The following DTNB variants were observed in gnomAD, a reference collection of about 807,000 sequenced individuals.
DTNB encodes dystrobrevin beta.
In DTNB, 63 loss-of-function variants were observed where a neutral mutation model predicts 90.7. The ratio of observed to expected loss-of-function variants is 0.69; its 90% CI spans 0.57 to 0.86. The LOEUF is 0.86. DTNB is among the 40% of genes least tolerant of loss of function. The probability of loss-of-function intolerance (pLI) is 0.00; values close to 1 mark genes in which losing one functional copy is unlikely to be tolerated. For synonymous variants in DTNB, 277 were observed against 286.7 expected (o/e 0.97, Z 0.34); for missense variants, 744 against 807.1 (o/e 0.92, Z 0.95).
At chr2:25,665,166 G>A (rs551036122) in intron 1 of DTNB, among the ~76,000 whole-genome samples, 10 of 152,228 alleles carry the variant, frequency 6.6e-5, no homozygotes, top group Non-Finnish European at 1.2e-4. Flanking sequence ...CTCTGTACAT[G>A]CCTTTGTGTT....
At chr2:25,509,624 C>G (rs540673278) in intron 9 of DTNB, among the ~76,000 whole-genome samples, 45 of 151,720 alleles carry the variant, frequency 3.0e-4, no homozygotes, top group Middle Eastern at 6.8e-3. Context: ...CAGAAGTCAG[C>G]TCTCTGTGAA....
chr2:25,625,548 CTCAT>C (rs1233636902), intron 4 of DTNB, among the ~76,000 whole-genome samples: 13 of 128,364 alleles, frequency 1.0e-4, no homozygotes, highest in Non-Finnish European at 2.1e-4. Context: ...TCTTAACTCA[CTCAT>C]TTTTTTTTTT....
intron 7 of DTNB, among the ~76,000 whole-genome samples, chr2:25,579,158 T>C (rs2061178192): frequency 6.6e-6 from 1 of 152,182 alleles, no homozygotes; most frequent in Non-Finnish European, 1.5e-5. Flanking sequence ...TACAAAATGA[T>C]CTTATGAAAA....
intron 9 of DTNB, among the ~76,000 whole-genome samples, chr2:25,505,526 A>G (rs2072173800): frequency 6.6e-6 from 1 of 152,180 alleles, no homozygotes; most frequent in Non-Finnish European, 1.5e-5. Flanking sequence ...TCAACAAGAT[A>G]TATGTCTTGA....
chr2:25,550,797 G>A (rs891825794), intron 8 of DTNB, among the ~76,000 whole-genome samples: 3 of 152,070 alleles, frequency 2.0e-5, no homozygotes, highest in Admixed American at 6.6e-5. Context: ...CCACAGGCAC[G>A]TGCCACCACA....
intron 1 of DTNB, among the ~76,000 whole-genome samples, chr2:25,662,993 T>A (rs922033910): frequency 6.6e-6 from 1 of 152,160 alleles, no homozygotes; most frequent in African/African-American, 2.4e-5. Flanking sequence ...CTGCTGCACC[T>A]ATTGACCCGC....
chr2:25,606,191 TA>T (rs34742111), intron 5 of DTNB, among the ~76,000 whole-genome samples: 32 of 148,252 alleles, frequency 2.2e-4, no homozygotes, highest in South Asian at 2.1e-4. Context: ...TCTTTCAATT[TA>T]AAAAAAAAAA....
intron 4 of DTNB, among the ~76,000 whole-genome samples, chr2:25,613,802 A>G (rs1023300763): frequency 3.3e-5 from 5 of 152,142 alleles, no homozygotes; most frequent in African/African-American, 1.2e-4. Flanking sequence ...TACTAAAAAT[A>G]CAAAAATTAG....
intron 8 of DTNB, among the ~76,000 whole-genome samples, chr2:25,564,133 C>T (rs992690343): frequency 3.3e-5 from 5 of 152,002 alleles, no homozygotes; most frequent in African/African-American, 9.7e-5. Context: ...GATCTCCTGA[C>T]CTTGTGATCC....
intron 1 of DTNB, among the ~76,000 whole-genome samples, chr2:25,653,634 C>T (rs1559400101): frequency 6.6e-6 from 1 of 151,400 alleles, no homozygotes; most frequent in East Asian, 1.9e-4. Flanking sequence ...GCCTCAGCCT[C>T]CTGAGTAGCT....
intron 16 of DTNB, among the ~76,000 whole-genome samples, chr2:25,415,429 T>C (rs542237087): frequency 1.5e-3 from 234 of 152,100 alleles, no homozygotes; most frequent in Non-Finnish European, 2.8e-3. Flanking sequence ...GTATTTTTAA[T>C]AGAGATGGGG....
Position 25,551,742 on chromosome 2 carries a change from G to C in DTNB, c.877-20145C>G, listed in dbSNP as rs56304882. Among the ~76,000 whole-genome samples the C allele has an allele frequency of 5.2e-3, 789 of 152,264 alleles. 8 individuals carry two copies. Among genetic ancestry groups the C allele is most frequent in the African/African-American group, 0.018 (751 of 41,548 alleles). ...AACAGGACAAGGTCAGGATGTGCTT[G>C]GTCAACCATCTTGAAACTGGATCTA... On this transcript the variant is annotated intron_variant, in intron 8 of 20. Coordinates refer to ENST00000406818, the MANE Select transcript of DTNB (RefSeq NM_021907.5).
At chr2:25,576,194 G>A (rs563519320) in intron 8 of DTNB, among the ~76,000 whole-genome samples, 3 of 151,774 alleles carry the variant, frequency 2.0e-5, no homozygotes, top group Non-Finnish European at 4.4e-5. Context: ...ATAAGCATGG[G>A]GGGGCGGAAT....
At chr2:25,633,971 C>T (rs1201195093) in intron 3 of DTNB, among the ~76,000 whole-genome samples, 1 of 151,884 alleles carries the variant, frequency 6.6e-6, no homozygotes, top group Non-Finnish European at 1.5e-5. Context: ...AGCCCCTCCA[C>T]CCGGCAGCCG....
chr2:25,584,685 T>C (rs965338113), intron 6 of DTNB, among the ~76,000 whole-genome samples: 1 of 152,130 alleles, frequency 6.6e-6, no homozygotes, highest in Admixed American at 6.5e-5. Context: ...GCCTCCTAAG[T>C]ATCTGGGACT....
intron 4 of DTNB, among the ~76,000 whole-genome samples, chr2:25,612,107 A>C (rs961830879): frequency 1.3e-5 from 2 of 152,200 alleles, no homozygotes; most frequent in Non-Finnish European, 2.9e-5. Context: ...GCATATTCAT[A>C]GTCATTTTTT....
chr2:25,559,907 C>T (rs986089720), intron 8 of DTNB, among the ~76,000 whole-genome samples: 1 of 152,216 alleles, frequency 6.6e-6, no homozygotes, highest in Non-Finnish European at 1.5e-5. Flanking sequence ...ACGCCAACTG[C>T]AGCTAGAAGC....
At chr2:25,420,262 CTTTTTTTT>C (rs56815083) in intron 15 of DTNB, among the ~76,000 whole-genome samples, 1 of 63,884 alleles carries the variant, frequency 1.6e-5, no homozygotes, top group Admixed American at 1.9e-4. Context: ...CAGGCACAGT[CTTTTTTTT>C]TTTTTTTTTT....
At chr2:25,389,138 A>G (rs1023949357) in intron 16 of DTNB, among the ~76,000 whole-genome samples, 21 of 152,326 alleles carry the variant, frequency 1.4e-4, no homozygotes, top group African/African-American at 4.8e-4. Context: ...GTGAGCCACC[A>G]TACCAAGCCA....
Sources: gnomAD v4.1 joint callset for allele counts (sites outside exome capture counted in the v4.1 genomes callset) on GRCh38, gnomAD v4.1.1 for gene constraint, MANE v1.5 for transcripts, NCBI Gene and HGNC (gene_info 2026-07-23, HGNC 2026-07-21) for gene names.